Variants in TINAG observed in about 807,000 individuals in gnomAD.
TINAG encodes the protein tubulointerstitial nephritis antigen.
A neutral mutation model predicts 72.7 loss-of-function variants in TINAG; 83 were observed. That is an observed-to-expected ratio of 1.14 (90% CI 0.96 to 1.37). The LOEUF (loss-of-function observed/expected upper bound fraction) is 1.37, where lower values mean the gene tolerates loss of function less well. Among genes scored for constraint, TINAG ranks in the 40% most tolerant of loss-of-function variants. The pLI is 0.00. For missense variants in TINAG, 685 were observed against 576.6 expected (o/e 1.19, Z -1.93); for synonymous variants, 234 against 189.9 (o/e 1.23, Z -1.91).
At chr6:54,326,008 A>G (rs9474805) in intron 3 of TINAG, among the ~76,000 whole-genome samples, 69 of 152,302 alleles carry the variant, frequency 4.5e-4, no homozygotes, top group Middle Eastern at 3.4e-3. Flanking sequence ...TGAGTACTGA[A>G]AATATATTGA....
rs1784163503 is a variant in TINAG, at chr6:54,308,573, T to C, written c.23T>C (p.Leu8Ser). The change falls in exon 1 of 11, where the codon TTA (leucine) becomes TCA (serine). Residue 8 changes from leucine (L) to serine (S), a missense_variant. By Grantham distance (145) the Leu-to-Ser change is moderately radical (BLOSUM62 -2). Coordinates refer to ENST00000259782, the MANE Select transcript of TINAG (RefSeq NM_014464.4). MWTGYKI[L>S]IFSYLTTEIW... The stretch of plus-strand genomic sequence containing the variant: ...AGAATGTGGACCGGATATAAGATCT[T>C]AATCTTCTCTTATCTTACTACAGAA... 1 of 1,612,098 alleles carries C rather than the reference T, an allele frequency of 6.2e-7. No homozygotes were observed. The highest frequency in any genetic ancestry group is 8.5e-7 in the Non-Finnish European group (1 of 1,179,304).
intron 9 of TINAG, among the ~76,000 whole-genome samples, chr6:54,374,487 C>T (rs1279939426): frequency 6.6e-6 from 1 of 152,078 alleles, no homozygotes. Flanking sequence ...TTAATTAGCA[C>T]TTTTTCATAT....
intron 8 of TINAG, among the ~76,000 whole-genome samples, chr6:54,351,765 A>G (rs1359814444): frequency 6.6e-6 from 1 of 151,936 alleles, no homozygotes; most frequent in Non-Finnish European, 1.5e-5. Context: ...ATATTTAAGA[A>G]TCATACATAC....
At chr6:54,378,778 A>T (rs1384986878) in intron 9 of TINAG, among the ~76,000 whole-genome samples, 1 of 152,124 alleles carries the variant, frequency 6.6e-6, no homozygotes, top group Non-Finnish European at 1.5e-5. Context: ...CAAGCTCAAG[A>T]AGTCTGAAAG....
chr6:54,329,381 A>G (rs1458639346), intron 4 of TINAG, among the ~76,000 whole-genome samples: 2 of 152,204 alleles, frequency 1.3e-5, no homozygotes, highest in Non-Finnish European at 2.9e-5. Flanking sequence ...ACTAACTTTC[A>G]TAAGTGAAAG....
chr6:54,326,832 G>C lies in TINAG; in HGVS notation c.540G>C (p.Trp180Cys). The change falls in exon 4 of 11, where the codon TGG becomes TGC. Residue 180 changes from tryptophan to cysteine, a missense_variant. Physicochemically the swap from Trp to Cys is radical, Grantham distance 215. Transcript: ENST00000259782. ...GWTAQNYSQF[W>C]GMTLEDGFKF... Reference sequence around the variant, plus strand: ...CAGCACAGAATTACAGCCAATTTTGGGGAATGACTTTAGAAGATGGTTTTA... The same window carrying C: ...CAGCACAGAATTACAGCCAATTTTGCGGAATGACTTTAGAAGATGGTTTTA... 1 of 1,611,434 alleles carries C rather than the reference G, an allele frequency of 6.2e-7. No individual in the cohort carries two copies.
intron 9 of TINAG, among the ~76,000 whole-genome samples, chr6:54,372,026 T>C (rs1272920910): frequency 8.3e-6 from 1 of 120,292 alleles, no homozygotes; most frequent in Non-Finnish European, 1.7e-5. Context: ...AGTTTTACCC[T>C]TGTTGCCCAG....
chr6:54,370,915 A>T (rs893780295), intron 9 of TINAG, among the ~76,000 whole-genome samples: 2 of 152,108 alleles, frequency 1.3e-5, no homozygotes, highest in African/African-American at 4.8e-5. Flanking sequence ...TCAAACACTG[A>T]TCAGGTCTGT....
intron 4 of TINAG, chr6:54,327,316 G>A: frequency 1.2e-6 from 1 of 841,096 alleles, no homozygotes; most frequent in Non-Finnish European, 1.6e-6. Flanking sequence ...CAGAAGCAGG[G>A]TAGGATGTCA....
At chr6:54,346,630 AGTAATT>A (rs1785129830) in intron 5 of TINAG, among the ~76,000 whole-genome samples, 1 of 151,700 alleles carries the variant, frequency 6.6e-6, no homozygotes, top group South Asian at 2.1e-4. Flanking sequence ...CAGTAGTAAC[AGTAATT>A]GTAACTAAAC....
intron 1 of TINAG, among the ~76,000 whole-genome samples, chr6:54,317,203 T>C (rs1784391139): frequency 6.6e-6 from 1 of 152,120 alleles, no homozygotes; most frequent in Non-Finnish European, 1.5e-5. Flanking sequence ...TCTTATCTTT[T>C]CAATACCTCC....
intron 4 of TINAG, among the ~76,000 whole-genome samples, chr6:54,340,408 A>T (rs1041047368): frequency 6.6e-6 from 1 of 152,040 alleles, no homozygotes; most frequent in African/African-American, 2.4e-5. Flanking sequence ...AAAAAAAAAA[A>T]ATTAAAAACA....
intron 9 of TINAG, among the ~76,000 whole-genome samples, chr6:54,380,045 T>C (rs1391821909): frequency 1.3e-5 from 2 of 152,158 alleles, no homozygotes; most frequent in Non-Finnish European, 2.9e-5. Flanking sequence ...TTTTCTGTTC[T>C]TGTGTTAGTT....
chr6:54,308,940 G>T lies in TINAG; in HGVS notation c.355+35G>T, dbSNP rs376442531. On this transcript the variant is annotated intron_variant, in intron 1 of 10. Transcript: ENST00000259782. ...GGGAATGTGTTTCAACATCATCCTCGTTCATAACAACAAGATCTGACAAAC... is the reference window on the plus strand; with the variant it reads ...GGGAATGTGTTTCAACATCATCCTCTTTCATAACAACAAGATCTGACAAAC... 7.3e-6 allele frequency: 11 copies of T among 1,496,724 alleles called. No individual in the cohort carries two copies. In the South Asian group the frequency reaches 8.8e-5, roughly 12 times the overall value. 92.7% of individuals were successfully genotyped at this position (1,496,724 alleles called of 1,614,324 possible).
intron 1 of TINAG, among the ~76,000 whole-genome samples, chr6:54,319,686 C>A (rs1374251217): frequency 1.3e-5 from 2 of 152,092 alleles, no homozygotes; most frequent in Non-Finnish European, 2.9e-5. Context: ...CCTTAGAATG[C>A]TTTCTAAACC....
upstream of TINAG, chr6:54,308,330 G>A: frequency 1.6e-6 from 1 of 634,896 alleles, no homozygotes; most frequent in South Asian, 2.1e-5. Flanking sequence ...AACTTTGGGG[G>A]AATAACAATA....
intron 9 of TINAG, among the ~76,000 whole-genome samples, chr6:54,370,471 T>C (rs1453228180): frequency 6.6e-6 from 1 of 152,078 alleles, no homozygotes; most frequent in Non-Finnish European, 1.5e-5. Context: ...AGAAATTATT[T>C]CATTTATTTA....
chr6:54,331,677 T>C (rs552209795), intron 4 of TINAG, among the ~76,000 whole-genome samples: 18 of 152,354 alleles, frequency 1.2e-4, no homozygotes, highest in Admixed American at 7.8e-4. Flanking sequence ...TTGTCTCTGT[T>C]TGCAGATGAC....
At chr6:54,348,691 C>T (rs1785188667) in intron 6 of TINAG, among the ~76,000 whole-genome samples, 1 of 151,992 alleles carries the variant, frequency 6.6e-6, no homozygotes, top group Non-Finnish European at 1.5e-5. Flanking sequence ...TAATAATCTC[C>T]CAAAGGCCTA....
Sources: allele counts gnomAD v4.1 joint callset (sites outside exome capture counted in the v4.1 genomes callset), GRCh38; gene constraint gnomAD v4.1.1; transcripts MANE v1.5; gene names NCBI Gene and HGNC (gene_info 2026-07-23, HGNC 2026-07-21).